Variants in OPCML observed in about 807,000 individuals in gnomAD.
OPCML encodes the protein opioid binding protein/cell adhesion molecule like, also known as opioid-binding protein/cell adhesion molecule.
OPCML carries 13 observed loss-of-function variants against 37.8 expected under a neutral mutation model. The ratio of observed to expected loss-of-function variants is 0.34; its 90% CI spans 0.22 to 0.55. The LOEUF (loss-of-function observed/expected upper bound fraction) is 0.55, where lower values mean the gene tolerates loss of function less well. Among genes scored for constraint, OPCML ranks in the 20% least tolerant of loss-of-function variants. OPCML has a pLI of 0.91. For missense variants in OPCML, 341 were observed against 435.6 expected, an observed-to-expected ratio of 0.78 and a Z score of 1.93; for synonymous variants, 176 against 168.8, an observed-to-expected ratio of 1.04 and a Z score of -0.33.
intron 1 of OPCML, among the ~76,000 whole-genome samples, chr11:133,022,730 G>A (rs1347541883): frequency 6.6e-6 from 1 of 152,136 alleles, no homozygotes; most frequent in East Asian, 1.9e-4. Context: ...AATATCATCC[G>A]TGGAATAATA....
At chr11:132,640,191 C>A (rs929498664) in intron 3 of OPCML, among the ~76,000 whole-genome samples, 1 of 152,108 alleles carries the variant, frequency 6.6e-6, no homozygotes, top group Non-Finnish European at 1.5e-5. Context: ...ATGCATATCC[C>A]GGAGCCTGAG....
chr11:132,502,524 CA>C (rs2096247795), intron 4 of OPCML, among the ~76,000 whole-genome samples: 1 of 152,132 alleles, frequency 6.6e-6, no homozygotes, highest in Non-Finnish European at 1.5e-5. Flanking sequence ...TTGCTTTCCT[CA>C]GAACACACAG....
chr11:133,194,282 C>A (rs967755092), intron 1 of OPCML, among the ~76,000 whole-genome samples: 2 of 147,976 alleles, frequency 1.4e-5, no homozygotes, highest in African/African-American at 2.5e-5. Flanking sequence ...GCAATCTCGG[C>A]TCACTGCAAC....
chr11:133,050,576 G>A (rs1948111042), intron 1 of OPCML, among the ~76,000 whole-genome samples: 1 of 152,130 alleles, frequency 6.6e-6, no homozygotes, highest in South Asian at 2.1e-4. Flanking sequence ...GGGAGGACTT[G>A]CTTTGGAGTC....
At position 132,647,817 on chromosome 11, in the gene OPCML, C is replaced by T. The variant is rs1941233794; in HGVS notation, c.379+9270G>A. On this transcript the variant is annotated intron_variant, in intron 3 of 7. Coordinates refer to ENST00000524381, the MANE Select transcript of OPCML (RefSeq NM_001012393.5). Reference sequence around the variant, plus strand: ...TCAACCGTACTCAGCAGATGATAACCATTGTTTATAATTACTGAAAAAGAT... The same window carrying T: ...TCAACCGTACTCAGCAGATGATAACTATTGTTTATAATTACTGAAAAAGAT... Among the ~76,000 whole-genome samples the T allele has an allele frequency of 2.6e-5, 4 of 152,138 alleles. No individual in the cohort carries two copies. In the South Asian group the frequency reaches 8.3e-4, roughly 32 times the overall value.
chr11:133,148,577 G>T (rs1949930464), intron 1 of OPCML, among the ~76,000 whole-genome samples: 1 of 152,166 alleles, frequency 6.6e-6, no homozygotes, highest in Admixed American at 6.5e-5. Context: ...GTGAAGAACT[G>T]AAACAGCCAT....
At chr11:132,606,883 T>C (rs1393150787) in intron 3 of OPCML, among the ~76,000 whole-genome samples, 1 of 152,220 alleles carries the variant, frequency 6.6e-6, no homozygotes, top group East Asian at 1.9e-4. Context: ...CAGTTCTTTT[T>C]ATTATTTCTG....
intron 1 of OPCML, among the ~76,000 whole-genome samples, chr11:133,283,951 C>G (rs938356631): frequency 8.5e-5 from 13 of 152,150 alleles, no homozygotes; most frequent in African/African-American, 2.7e-4. Flanking sequence ...TCGCTTCCCC[C>G]CCCAGTACCT....
intron 3 of OPCML, among the ~76,000 whole-genome samples, chr11:132,652,280 T>C (rs1941464483): frequency 6.6e-6 from 1 of 152,024 alleles, no homozygotes; most frequent in Non-Finnish European, 1.5e-5. Context: ...CCACCACTAA[T>C]TTTCTTTCTT....
intron 1 of OPCML, among the ~76,000 whole-genome samples, chr11:133,335,678 C>T (rs1053590674): frequency 1.1e-4 from 17 of 152,130 alleles, no homozygotes; most frequent in Non-Finnish European, 1.3e-4. Flanking sequence ...TGACATCATC[C>T]TCACTCTCAT....
intron 2 of OPCML, among the ~76,000 whole-genome samples, chr11:132,940,254 C>G (rs1046925920): frequency 1.3e-5 from 2 of 152,200 alleles, no homozygotes; most frequent in Non-Finnish European, 2.9e-5. Flanking sequence ...TTCGTGACTC[C>G]TTTGCTTTTC....
chr11:133,336,564 G>A (rs1041515131), intron 1 of OPCML, among the ~76,000 whole-genome samples: 4 of 152,162 alleles, frequency 2.6e-5, no homozygotes, highest in Non-Finnish European at 4.4e-5. Flanking sequence ...ATTTAAATGA[G>A]ACAAGAAATA....
chr11:132,605,404 A>T (rs12225576), intron 3 of OPCML, among the ~76,000 whole-genome samples: 6,210 of 151,798 alleles, frequency 0.041, 351 homozygotes, highest in East Asian at 0.26. Flanking sequence ...AAAAATAAAA[A>T]AAAAAAAAAG....
chr11:132,462,319 A>G (rs538741136), intron 4 of OPCML, among the ~76,000 whole-genome samples: 42 of 152,290 alleles, frequency 2.8e-4, no homozygotes, highest in African/African-American at 7.9e-4. Flanking sequence ...CTTTCCTACC[A>G]TATCTCTCAG....
intron 1 of OPCML, among the ~76,000 whole-genome samples, chr11:133,031,374 G>A (rs7480107): frequency 0.35 from 42,530 of 120,234 alleles, 9,748 homozygotes; most frequent in African/African-American, 0.43. Context: ...TGAGTAGGTG[G>A]ATGGATGGAT....
chr11:133,424,962 T>C (rs1259945031), intron 1 of OPCML, among the ~76,000 whole-genome samples: 3 of 152,222 alleles, frequency 2.0e-5, no homozygotes, highest in African/African-American at 4.8e-5. Flanking sequence ...TATTTGATAC[T>C]CTTCATTAAC....
At chr11:132,647,796 C>A (rs1431506924) in intron 3 of OPCML, among the ~76,000 whole-genome samples, 2 of 152,078 alleles carry the variant, frequency 1.3e-5, no homozygotes, top group Non-Finnish European at 2.9e-5. Flanking sequence ...CAAGGGTCAA[C>A]CGTACTCAGC....
Position 133,156,855 on chromosome 11 carries a change from G to T in OPCML, c.62-213845C>A, listed in dbSNP as rs139648640. On this transcript the variant is annotated intron_variant, in intron 1 of 7. Coordinates refer to ENST00000524381, the MANE Select transcript of OPCML (RefSeq NM_001012393.5). ...GTTTTGTTGTTGCTGTAAATGAATT[G>T]CCTGAAAACCTGAGTAAGACACCTA... Among the ~76,000 whole-genome samples, 583 of 152,092 alleles carry T rather than the reference G, an allele frequency of 3.8e-3. 3 individuals are homozygous for T. The highest frequency in any genetic ancestry group is 0.013 in the African/African-American group (554 of 41,476).
At chr11:133,331,643 T>C (rs1943621936) in intron 1 of OPCML, among the ~76,000 whole-genome samples, 1 of 152,222 alleles carries the variant, frequency 6.6e-6, no homozygotes, top group Non-Finnish European at 1.5e-5. Flanking sequence ...ATTTTCTAAC[T>C]CTTGACCTTT....
Sources: gnomAD v4.1 joint callset for allele counts (sites outside exome capture counted in the v4.1 genomes callset) on GRCh38, gnomAD v4.1.1 for gene constraint, MANE v1.5 for transcripts, NCBI Gene and HGNC (gene_info 2026-07-23, HGNC 2026-07-21) for gene names.